The following HAO2 variants were observed in gnomAD, a reference collection of about 807,000 sequenced individuals.
HAO2 encodes the protein 2-Hydroxyacid oxidase 2.
Under a neutral mutation model 37.4 loss-of-function variants are expected in HAO2, and 42 were observed. The observed-to-expected ratio is 1.12, with a 90% CI of 0.88 to 1.45. The LOEUF (loss-of-function observed/expected upper bound fraction) is 1.45, where lower values mean the gene tolerates loss of function less well. Ranked by LOEUF, HAO2 falls within the 40% of genes most tolerant of loss-of-function variation. The pLI, the probability that HAO2 is intolerant of heterozygous loss-of-function variation, is 0.00. For synonymous variants in HAO2, 180 were observed against 162.8 expected, an observed-to-expected ratio of 1.11 and a Z score of -0.81; for missense variants, 476 against 430.2, an observed-to-expected ratio of 1.11 and a Z score of -0.94.
chr1:119,392,419 G>T, intron 6 of HAO2, 151 bp downstream of exon 6: 1 of 739,224 alleles, frequency 1.4e-6, no homozygotes, highest in Non-Finnish European at 2.3e-6. Context: ...TTCTTCTGAA[G>T]CCCATTGCAA....
intron 6 of HAO2, 125 bp downstream of exon 6, chr1:119,392,393 AGCTGCATCTCCAT>A (rs1650984356): frequency 2.4e-6 from 2 of 838,976 alleles, no homozygotes; most frequent in Non-Finnish European, 3.8e-6. Context: ...GTTACACCTA[AGCTGCATCTCCAT>A]GCTTCTTCTG....
In HAO2 at chr1:119,394,049, C is replaced by T; in HGVS notation, c.*209C>T. On this transcript the variant is annotated 3_prime_UTR_variant, in exon 8 of 8. Transcript: ENST00000325945. ...ATGTTCCATGCCCTTCTTTGTATCACTGACTATTATATGTTGCTCTCTTGC... is the reference window on the plus strand; with the variant it reads ...ATGTTCCATGCCCTTCTTTGTATCATTGACTATTATATGTTGCTCTCTTGC... 1 of 1,380,440 alleles carries T rather than the reference C, an allele frequency of 7.2e-7. No individual in the cohort carries two copies. 85.5% of individuals were successfully genotyped at this position (1,380,440 alleles called of 1,614,324 possible).
chr1:119,384,977 G>A lies in HAO2; in HGVS notation c.485G>A (p.Cys162Tyr), dbSNP rs771604455. Residue 162 changes from cysteine to tyrosine, a missense_variant, in exon 4 of 8, where the codon TGT becomes TAT. Transcript: ENST00000325945. ...ALVITLDTPVCGNRRHDIRNQ... is the reference protein window; with the variant it reads ...ALVITLDTPVYGNRRHDIRNQ... ...GTAATAACTTTGGATACACCTGTAT[G>A]TGGCAACAGGCGACATGACATTCGA... 2 of 1,613,624 alleles carry A rather than the reference G, an allele frequency of 1.2e-6. No individual in the cohort carries two copies. The highest frequency in any genetic ancestry group is 1.7e-6 in the Non-Finnish European group (2 of 1,179,584).
intron 5 of HAO2, among the ~76,000 whole-genome samples, chr1:119,388,175 A>C (rs1002635872): frequency 6.6e-6 from 1 of 152,236 alleles, no homozygotes; most frequent in Non-Finnish European, 1.5e-5. Context: ...CAAGCCATCC[A>C]GTATTTAGCA....
intron 1 of HAO2, among the ~76,000 whole-genome samples, chr1:119,380,346 C>T (rs1649819004): frequency 6.6e-6 from 1 of 152,190 alleles, no homozygotes; most frequent in Non-Finnish European, 1.5e-5. Flanking sequence ...ATGGAGCCAA[C>T]ATACATTGTT....
chr1:119,370,322 C>T (rs1410932225), intron 1 of HAO2: 1 of 152,200 alleles, frequency 6.6e-6, no homozygotes. Flanking sequence ...AATAAACCTT[C>T]TTGGATAAAC....
At chr1:119,390,901 G>A (rs587617431) in intron 5 of HAO2, among the ~76,000 whole-genome samples, 5 of 152,206 alleles carry the variant, frequency 3.3e-5, no homozygotes, top group African/African-American at 1.2e-4. Flanking sequence ...CTCTAGGGGA[G>A]TGCCAAAAAC....
chr1:119,376,549 G>A (rs775864891), intron 1 of HAO2, among the ~76,000 whole-genome samples: 1 of 152,222 alleles, frequency 6.6e-6, no homozygotes, highest in Non-Finnish European at 1.5e-5. Context: ...TGCCCCAGTG[G>A]GGACTCTGTG....
rs115510667 is a variant in HAO2, at chr1:119,379,119, C to A, written c.-8-1959C>A. Among the ~76,000 whole-genome samples the A allele has an allele frequency of 5.3e-3, 814 of 152,186 alleles. 11 individuals carry two copies. Among genetic ancestry groups the A allele is most frequent in the African/African-American group, 0.019 (780 of 41,506 alleles). On this transcript the variant is annotated intron_variant, in intron 1 of 7. Transcript: ENST00000325945. ...TGAGTCCTCTGCCAGTGGACTCATGCGGGATGCAGTTAATTCCCCCAGCAA... is the reference window on the plus strand; with the variant it reads ...TGAGTCCTCTGCCAGTGGACTCATGAGGGATGCAGTTAATTCCCCCAGCAA...
chr1:119,380,246 C>T lies in HAO2; in HGVS notation c.-8-832C>T, dbSNP rs148437091. Among the ~76,000 whole-genome samples, 340 of 152,250 alleles carry T rather than the reference C, an allele frequency of 2.2e-3. 1 individual carries two copies. The highest frequency in any genetic ancestry group is 4.0e-3 in the Non-Finnish European group (274 of 68,026). On this transcript the variant is annotated intron_variant, in intron 1 of 7. Coordinates refer to ENST00000325945, the MANE Select transcript of HAO2 (RefSeq NM_016527.4). ...CTACTGGAGAGATTTATTCATTACCCCCAAGCCCTGTCCTCTTTCCTCTTT... is the reference window on the plus strand; with the variant it reads ...CTACTGGAGAGATTTATTCATTACCTCCAAGCCCTGTCCTCTTTCCTCTTT...
intron 1 of HAO2, among the ~76,000 whole-genome samples, chr1:119,377,970 G>A (rs1388075234): frequency 6.6e-6 from 1 of 152,190 alleles, no homozygotes; most frequent in Non-Finnish European, 1.5e-5. Flanking sequence ...AGGAGGCTGA[G>A]GCAGAAGAAT....
At position 119,391,825 on chromosome 1, in the gene HAO2, T is replaced by A. The variant is rs145903161; in HGVS notation, c.772-285T>A. On this transcript the variant is annotated intron_variant, in intron 5 of 7. Coordinates refer to ENST00000325945, the MANE Select transcript of HAO2 (RefSeq NM_016527.4). ...AAGTAAACATTATAAGTGGAAAATG[T>A]CCCTTTTAGGATGGAAAGAATAACC... is the stretch of plus-strand genomic sequence containing the variant. Among the ~76,000 whole-genome samples the A allele has an allele frequency of 1.2e-3, 190 of 152,264 alleles. 2 individuals are homozygous for A. In the Middle Eastern group the frequency reaches 0.017, roughly 14 times the overall value.
At chr1:119,370,205 G>C (rs1371846774) in intron 1 of HAO2, 1 of 152,136 alleles carries the variant, frequency 6.6e-6, no homozygotes, top group Non-Finnish European at 1.5e-5. Flanking sequence ...CAGGCCATTG[G>C]CCAGAAGAAC....
intron 2 of HAO2, 90 bp from the exon 3 acceptor site, chr1:119,382,825 T>C (rs1366219437): frequency 1.6e-6 from 2 of 1,223,444 alleles, no homozygotes; most frequent in East Asian, 2.4e-5. Flanking sequence ...TTTAGACTTG[T>C]ATCAGGAATC....
In HAO2 at chr1:119,392,237, G is replaced by A. The variant is rs774947573; in HGVS notation, c.899G>A (p.Gly300Glu). ...CTTGGAGCTAAGTGCATTTTTCTTG[G>A]GAGACCAATCCTATGGGGCCTTGCC... ...LALGAKCIFL[G>E]RPILWGLACK... Residue 300 changes from glycine (G) to glutamate (E), a missense_variant, in exon 6 of 8, where the codon GGG becomes GAG. Gly to Glu is a moderately conservative substitution (Grantham distance 98). Coordinates refer to ENST00000325945, the MANE Select transcript of HAO2 (RefSeq NM_016527.4). 6.2e-7 allele frequency: 1 copy of A among 1,613,304 alleles called. No homozygotes were observed. The highest frequency in any genetic ancestry group is 8.5e-7 in the Non-Finnish European group (1 of 1,179,534).
chr1:119,377,577 C>T (rs960072068), intron 1 of HAO2, among the ~76,000 whole-genome samples: 1 of 152,194 alleles, frequency 6.6e-6, no homozygotes, highest in Non-Finnish European at 1.5e-5. Flanking sequence ...TACCAATTTA[C>T]TGTATTAGTC....
At chr1:119,376,882 T>A (rs144882408) in intron 1 of HAO2, among the ~76,000 whole-genome samples, 231 of 152,266 alleles carry the variant, frequency 1.5e-3, no homozygotes, top group African/African-American at 5.3e-3. Context: ...GTGCCCTGCA[T>A]CTTAGGCCTA....
chr1:119,379,167 A>C (rs1194729872), intron 1 of HAO2, among the ~76,000 whole-genome samples: 1 of 152,058 alleles, frequency 6.6e-6, no homozygotes, highest in Non-Finnish European at 1.5e-5. Context: ...ACACATGTAA[A>C]ATGTTACCTA....
In HAO2 at chr1:119,386,668, T is replaced by C; in HGVS notation, c.608T>C (p.Leu203Pro). 5.0e-6 allele frequency: 8 copies of C among 1,613,262 alleles called. No individual in the cohort carries two copies. Among genetic ancestry groups the C allele is most frequent in the Non-Finnish European group, 6.8e-6 (8 of 1,179,212 alleles). ...YFQMTPISTS[L>P]CWNDLSWFQS... Reference sequence around the variant, plus strand: ...CAGATGACTCCTATCAGCACTTCTCTCTGCTGGAATGATCTCTCCTGGTTT... The same window carrying C: ...CAGATGACTCCTATCAGCACTTCTCCCTGCTGGAATGATCTCTCCTGGTTT... Residue 203 changes from leucine (L) to proline (P), a missense_variant, in exon 5 of 8, where the codon CTC becomes CCC. Leu to Pro is a moderately conservative substitution (Grantham distance 98). Coordinates refer to ENST00000325945, the MANE Select transcript of HAO2 (RefSeq NM_016527.4).
Sources: gnomAD v4.1 joint callset for allele counts (sites outside exome capture counted in the v4.1 genomes callset) on GRCh38, gnomAD v4.1.1 for gene constraint, MANE v1.5 for transcripts, NCBI Gene and HGNC (gene_info 2026-07-23, HGNC 2026-07-21) for gene names.